PCDHGA12: variants seen among roughly 807,000 people sequenced by gnomAD.
PCDHGA12 encodes protocadherin gamma subfamily A, 12.
In PCDHGA12, 43 loss-of-function variants were observed where a neutral mutation model predicts 61.1. The observed-to-expected ratio is 0.70, with a 90% CI of 0.55 to 0.91. The LOEUF (loss-of-function observed/expected upper bound fraction) is 0.91, where lower values mean the gene tolerates loss of function less well. PCDHGA12 is among the 40% of genes least tolerant of loss of function. The pLI is 0.00. For synonymous variants in PCDHGA12, 520 were observed against 542.9 expected, an observed-to-expected ratio of 0.96 and a Z score of 0.59; for missense variants, 1,236 against 1,227.7, an observed-to-expected ratio of 1.01 and a Z score of -0.10.
At chr5:141,496,050 G>A (rs1232836015) in intron 2 of PCDHGA12, among the ~76,000 whole-genome samples, 2 of 149,892 alleles carry the variant, frequency 1.3e-5, no homozygotes, top group Non-Finnish European at 3.0e-5. Flanking sequence ...ATTTTTTTGT[G>A]CTTGTGGGCA....
At chr5:141,453,919 C>T (rs142719452) in intron 1 of PCDHGA12, among the ~76,000 whole-genome samples, 2 of 152,318 alleles carry the variant, frequency 1.3e-5, no homozygotes, top group African/African-American at 4.8e-5. Flanking sequence ...TGTCAGTGAT[C>T]AGTCACTGTG....
chr5:141,466,989 G>C, intron 1 of PCDHGA12, among the ~76,000 whole-genome samples: 1 of 150,922 alleles, frequency 6.6e-6, no homozygotes. Context: ...TTTACCTTTT[G>C]GCATTTTTTT....
intron 1 of PCDHGA12, among the ~76,000 whole-genome samples, chr5:141,468,788 C>T (rs2099179417): frequency 6.6e-6 from 1 of 151,926 alleles, no homozygotes; most frequent in Admixed American, 6.6e-5. Context: ...ATGGCGTGAA[C>T]CCGGGAGGCG....
intron 3 of PCDHGA12, among the ~76,000 whole-genome samples, chr5:141,509,880 T>C (rs1475661741): frequency 6.6e-6 from 1 of 152,184 alleles, no homozygotes; most frequent in African/African-American, 2.4e-5. Flanking sequence ...CTGGTGGTGA[T>C]GGTGACTGAC....
chr5:141,478,857 C>A, intron 1 of PCDHGA12: 1 of 1,353,600 alleles, frequency 7.4e-7, no homozygotes, highest in Non-Finnish European at 9.8e-7. Context: ...AACACAAGAT[C>A]TCAGCGATCA....
At chr5:141,469,104 C>G (rs1046234848) in intron 1 of PCDHGA12, among the ~76,000 whole-genome samples, 3 of 151,760 alleles carry the variant, frequency 2.0e-5, no homozygotes, top group Middle Eastern at 3.2e-3. Flanking sequence ...AAGCAAGAAC[C>G]TGTCTCTAAA....
chr5:141,430,910 G>A lies in PCDHGA12; in HGVS notation c.151G>A (p.Asp51Asn). The A allele has an allele frequency of 6.2e-7, 1 of 1,608,040 alleles. No homozygotes were observed. The highest frequency in any genetic ancestry group is 8.5e-7 in the Non-Finnish European group (1 of 1,177,584). Residue 51 changes from aspartate (D) to asparagine (N), a missense_variant, in exon 1 of 4, where the codon GAC becomes AAC. Asp to Asn is a conservative substitution (Grantham distance 23). Coordinates refer to ENST00000252085, the MANE Select transcript of PCDHGA12 (RefSeq NM_003735.3). ...CTCTAGGGTGGGCGACATCTCCAGG[G>A]ACCTGGGGCTGGAGCCCCGGGAGCT... Reference protein sequence around the residue: ...KGSRVGDISRDLGLEPRELAE... With the variant: ...KGSRVGDISRNLGLEPRELAE...
intron 1 of PCDHGA12, among the ~76,000 whole-genome samples, chr5:141,472,688 A>G (rs970538300): frequency 2.0e-5 from 3 of 151,384 alleles, no homozygotes; most frequent in African/African-American, 7.3e-5. Context: ...CATTTCCCCT[A>G]GAAATAAGTG....
intron 1 of PCDHGA12, among the ~76,000 whole-genome samples, chr5:141,479,878 A>G (rs1033313584): frequency 2.0e-5 from 3 of 152,170 alleles, no homozygotes; most frequent in African/African-American, 7.2e-5. Context: ...AGAACCCTAT[A>G]CATACTCTCA....
intron 1 of PCDHGA12, among the ~76,000 whole-genome samples, chr5:141,456,572 C>T (rs958661783): frequency 6.6e-6 from 1 of 152,168 alleles, no homozygotes; most frequent in Non-Finnish European, 1.5e-5. Flanking sequence ...CCACATTTTC[C>T]CTGAGCCTGT....
intron 2 of PCDHGA12, among the ~76,000 whole-genome samples, chr5:141,499,528 G>T (rs961802549): frequency 1.3e-5 from 2 of 152,142 alleles, no homozygotes; most frequent in African/African-American, 2.4e-5. Context: ...AAAGTAGAGA[G>T]AATGGTGTCA....
chr5:141,477,312 T>G lies in PCDHGA12; in HGVS notation c.2425-17495T>G. On this transcript the variant is annotated intron_variant, in intron 1 of 3. Coordinates refer to ENST00000252085, the MANE Select transcript of PCDHGA12 (RefSeq NM_003735.3). This position sits in a 1 kb window ranked among gnomAD's most constrained non-coding sequence, Gnocchi z 4.9. ...GTTCCACCGGGTCTCCCTTTCAGCC[T>G]TACTTCTTCCCTCAAGAATTACTTC... The G allele has an allele frequency of 1.2e-6, 2 of 1,614,162 alleles. No individual in the cohort carries two copies. The highest frequency in any genetic ancestry group is 1.7e-6 in the Non-Finnish European group (2 of 1,180,032).
At chr5:141,508,760 T>A (rs1004267844) in intron 3 of PCDHGA12, among the ~76,000 whole-genome samples, 17 of 151,522 alleles carry the variant, frequency 1.1e-4, no homozygotes, top group Admixed American at 1.1e-3. Flanking sequence ...CTCTGGCGCC[T>A]CTGAGGTCCC....
At position 141,491,116 on chromosome 5, in the gene PCDHGA12, GGT is replaced by G. The variant is rs2099708409; in HGVS notation, c.2425-3689_2425-3688del. The G allele has an allele frequency of 1.2e-6, 2 of 1,614,178 alleles. No individual in the cohort carries two copies. Among genetic ancestry groups the G allele is most frequent in the Non-Finnish European group, 1.7e-6 (2 of 1,180,024 alleles). On this transcript the variant is annotated intron_variant, in intron 1 of 3. Transcript: ENST00000252085. This position sits in a 1 kb window ranked among gnomAD's most constrained non-coding sequence, Gnocchi z 6.9. Reference sequence around the variant, plus strand: ...ACTGTTCCTCGTGTCTACACACACTGGTGAGGTGCGCACAGCCCGGGCCTTAC... The same window carrying G: ...ACTGTTCCTCGTGTCTACACACACTGGAGGTGCGCACAGCCCGGGCCTTAC...
intron 1 of PCDHGA12, among the ~76,000 whole-genome samples, chr5:141,449,440 C>T (rs2098639026): frequency 6.6e-6 from 1 of 151,742 alleles, no homozygotes; most frequent in Admixed American, 6.6e-5. Flanking sequence ...AACTCCATCT[C>T]TACTAAAAAT....
chr5:141,432,079 G>A lies in PCDHGA12; in HGVS notation c.1320G>A (p.Leu440=), dbSNP rs138510025. The change falls in exon 1 of 4, where the codon CTG becomes CTA. Residue 440 remains leucine, a synonymous_variant. Transcript: ENST00000252085. The surrounding 1 kb of genome is among the most constrained non-coding windows in gnomAD (Gnocchi z 6.0). The part of the protein sequence containing the change: ...PPLSTETHIS[L]NVADTNDNPP... ...TATCCACGGAAACTCATATCTCGCT[G>A]AACGTGGCAGACACCAACGACAACC... 1.6e-4 allele frequency: 252 copies of A among 1,614,054 alleles called. No homozygotes were observed. The highest frequency in any genetic ancestry group is 8.1e-5 in the Non-Finnish European group (96 of 1,180,048).
At chr5:141,484,300 C>G (rs927710366) in intron 1 of PCDHGA12, among the ~76,000 whole-genome samples, 1 of 152,190 alleles carries the variant, frequency 6.6e-6, no homozygotes, top group Non-Finnish European at 1.5e-5. Context: ...CTCCTGGCTT[C>G]CTCCACCCCG....
At chr5:141,478,020 A>G (rs1315422039) in intron 1 of PCDHGA12, 2 of 1,613,976 alleles carry the variant, frequency 1.2e-6, no homozygotes, top group Non-Finnish European at 1.7e-6. Flanking sequence ...CGTCCAGTCC[A>G]AGACACAGAT....
intron 1 of PCDHGA12, among the ~76,000 whole-genome samples, chr5:141,436,181 T>A (rs1050736907): frequency 1.3e-5 from 2 of 152,092 alleles, no homozygotes; most frequent in African/African-American, 4.8e-5. Context: ...TCATATATAG[T>A]CAAATAGAAA....
Sources: gnomAD v4.1 joint callset for allele counts (sites outside exome capture counted in the v4.1 genomes callset) on GRCh38, gnomAD v4.1.1 for gene constraint, Gnocchi (gnomAD v3.1) non-coding constraint, MANE v1.5 for transcripts, NCBI Gene and HGNC (gene_info 2026-07-23, HGNC 2026-07-21) for gene names.